Variants in SKOR1 observed in about 807,000 individuals in gnomAD.
SKOR1 encodes LBX1 corepressor 1.
SKOR1 carries 38 observed loss-of-function variants against 72.4 expected under a neutral mutation model. That is an observed-to-expected ratio of 0.52 (90% CI 0.40 to 0.69). The LOEUF (loss-of-function observed/expected upper bound fraction) is 0.69. SKOR1 is among the 30% of genes least tolerant of loss of function. SKOR1 has a pLI of 0.00. For synonymous variants in SKOR1, 642 were observed against 599.4 expected (o/e 1.07, Z -1.04); for missense variants, 1,320 against 1,343.2 (o/e 0.98, Z 0.27).
At position 67,833,638 on chromosome 15, in the gene SKOR1, C is replaced by T. The variant is rs557797080; in HGVS notation, c.2804-104C>T. 1 of 1,231,560 alleles carries T rather than the reference C, an allele frequency of 8.1e-7. No homozygotes were observed. Among genetic ancestry groups the T allele is most frequent in the Admixed American group, 1.7e-5 (1 of 59,414 alleles). The allele number at this position is 1,231,560 out of a possible 1,614,324, so 76.3% of individuals were successfully genotyped here. A position where few individuals can be genotyped will look rare whatever the true frequency, so the allele number is the denominator to read the frequency against. The stretch of plus-strand genomic sequence containing the variant: ...TCCTGATCCGCTCGGTTGAGATTCC[C>T]TGACCCCAAAGGGTTGGTAAGGCCG... On this transcript the variant is annotated intron_variant, in intron 8 of 8. Transcript: ENST00000380035. The surrounding 1 kb of genome is among the most constrained non-coding windows in gnomAD (Gnocchi z 6.0).
At chr15:67,829,038 A>G in intron 2 of SKOR1, 141 bp from the exon 3 acceptor site, 1 of 692,618 alleles carries the variant, frequency 1.4e-6, no homozygotes, top group Non-Finnish European at 2.4e-6. Flanking sequence ...CGCGTGCGTC[A>G]CTGTGCCCGC....
chr15:67,832,898 T>C lies in SKOR1; in HGVS notation c.2737+217T>C. The C allele has an allele frequency of 1.7e-6, 1 of 599,546 alleles. No individual in the cohort carries two copies. Among genetic ancestry groups the C allele is most frequent in the Non-Finnish European group, 2.9e-6 (1 of 339,148 alleles). 37.1% of individuals were successfully genotyped at this position (599,546 alleles called of 1,614,324 possible). ...CATTACATGGAGTGATTGAACTTCTTATCGCGGCAATTTCCATGGTTTCTA... is the reference window on the plus strand; with the variant it reads ...CATTACATGGAGTGATTGAACTTCTCATCGCGGCAATTTCCATGGTTTCTA... On this transcript the variant is annotated intron_variant, in intron 7 of 8. Coordinates refer to ENST00000380035, the MANE Select transcript of SKOR1 (RefSeq NM_001365915.1). This position sits in a 1 kb window ranked among gnomAD's most constrained non-coding sequence, Gnocchi z 4.5.
Position 67,826,650 on chromosome 15 carries a change from C to T in SKOR1, c.822C>T (p.Gly274=), listed in dbSNP as rs1260109435. Residue 274 remains glycine (G), a synonymous_variant, in exon 2 of 9, where the codon GGC becomes GGT. Coordinates refer to ENST00000380035, the MANE Select transcript of SKOR1 (RefSeq NM_001365915.1). ...ACGTCAAGGCCATGTTTAATGGCGG[C>T]ACGCGCAAGCGGACCTTCTCCCTAC... The part of the protein sequence containing the change: ...WEDVKAMFNG[G]TRKRTFSLQG... 2.5e-6 allele frequency: 4 copies of T among 1,607,814 alleles called. No homozygotes were observed. The highest frequency in any genetic ancestry group is 3.4e-6 in the Non-Finnish European group (4 of 1,177,106).
At chr15:67,829,551 C>T (rs558514544) in intron 3 of SKOR1, among the ~76,000 whole-genome samples, 3 of 152,360 alleles carry the variant, frequency 2.0e-5, no homozygotes, top group East Asian at 3.9e-4. Flanking sequence ...ACGCCCGACA[C>T]GGCCTTCAAA....
Position 67,829,239 on chromosome 15 carries a change from G to A in SKOR1, c.2377G>A (p.Ala793Thr). 6.4e-7 allele frequency: 1 copy of A among 1,569,518 alleles called. No individual in the cohort carries two copies. The highest frequency in any genetic ancestry group is 8.6e-7 in the Non-Finnish European group (1 of 1,165,344). ...KSAAVALGPA[A>T]SYVCTPEAHE... The stretch of plus-strand genomic sequence containing the variant: ...CGCGGCGGTGGCGCTGGGGCCCGCG[G>A]CCTCCTACGTCTGCACCCCCGAGGC... The change falls in exon 3 of 9, where the codon GCC (alanine) becomes ACC (threonine). Residue 793 changes from alanine (A) to threonine (T), a missense_variant. Around this residue, in one of 3 missense-constraint regions of SKOR1, gnomAD observed 1,099 missense variants for 1,025.5 expected, o/e 1.07. Coordinates refer to ENST00000380035, the MANE Select transcript of SKOR1 (RefSeq NM_001365915.1).
In SKOR1 at chr15:67,828,141, C is replaced by T. The variant is rs1417068721; in HGVS notation, c.2313C>T (p.Ala771=). The stretch of plus-strand genomic sequence containing the variant: ...GGCCCCTAGGAGGCCCCGCGCCGGC[C>T]AAGGTGAGCCCCGCGCCCGCCCCGC... The part of the protein sequence containing the change: ...PCGPLGGPAP[A]KVFAPERDEH... Residue 771 remains alanine (A), a synonymous_variant, in exon 2 of 9, where the codon GCC becomes GCT. Coordinates refer to ENST00000380035, the MANE Select transcript of SKOR1 (RefSeq NM_001365915.1). The T allele has an allele frequency of 4.8e-6, 7 of 1,468,792 alleles. No homozygotes were observed. In the African/African-American group the frequency reaches 7.4e-5, roughly 16 times the overall value. 91.0% of individuals were successfully genotyped at this position (1,468,792 alleles called of 1,614,324 possible).
chr15:67,829,618 G>C (rs2090992524), intron 3 of SKOR1, among the ~76,000 whole-genome samples: 1 of 152,246 alleles, frequency 6.6e-6, no homozygotes, highest in African/African-American at 2.4e-5. Flanking sequence ...GGCTAGGCCG[G>C]ATCGGGGCGG....
At position 67,833,151 on chromosome 15, in the gene SKOR1, T is replaced by C; in HGVS notation, c.2738-41T>C. 1 of 1,609,330 alleles carries C rather than the reference T, an allele frequency of 6.2e-7. No homozygotes were observed. ...GCTGTGACCCCGGCCTTTCGGAGGG[T>C]GGTCTGCGTTTCCTCACTGGCCCCT... On this transcript the variant is annotated intron_variant, in intron 7 of 8. Transcript: ENST00000380035. The surrounding 1 kb of genome is among the most constrained non-coding windows in gnomAD (Gnocchi z 6.0).
At position 67,827,084 on chromosome 15, in the gene SKOR1, C is replaced by T. The variant is rs2090965607; in HGVS notation, c.1256C>T (p.Pro419Leu). The change falls in exon 2 of 9, where the codon CCA becomes CTA. Residue 419 changes from proline (P) to leucine (L), a missense_variant. Pro to Leu is a moderately conservative substitution (Grantham distance 98). Transcript: ENST00000380035. ...KDDPVLGAGE[P>L]KGGPGTGSGG... ...GACCCGGTTTTAGGCGCGGGCGAGC[C>T]AAAGGGCGGTCCTGGCACTGGGAGC... is the stretch of plus-strand genomic sequence containing the variant. 4.6e-6 allele frequency: 7 copies of T among 1,517,222 alleles called. No homozygotes were observed. The highest frequency in any genetic ancestry group is 6.1e-6 in the Non-Finnish European group (7 of 1,139,772). 94.0% of individuals were successfully genotyped at this position (1,517,222 alleles called of 1,614,324 possible). A position where few individuals can be genotyped will look rare whatever the true frequency, so the allele number is the denominator to read the frequency against.
rs2091018768 is a variant in SKOR1 at position 67,832,756 on chromosome 15, C to T, written c.2737+75C>T. The T allele has an allele frequency of 8.4e-7, 1 of 1,191,878 alleles. No individual in the cohort carries two copies. The highest frequency in any genetic ancestry group is 1.2e-6 in the Non-Finnish European group (1 of 801,042). 73.8% of individuals were successfully genotyped at this position (1,191,878 alleles called of 1,614,324 possible). A position where few individuals can be genotyped will look rare whatever the true frequency, so the allele number is the denominator to read the frequency against. On this transcript the variant is annotated intron_variant, in intron 7 of 8. Transcript: ENST00000380035. This position sits in a 1 kb window ranked among gnomAD's most constrained non-coding sequence, Gnocchi z 4.5. ...TCTGGCAGGAGCCGCAATGTTGGCT[C>T]AGTCATTTGGATTTAAATTGAAGGT...
chr15:67,834,053 C>A lies in SKOR1; in HGVS notation c.*217C>A, dbSNP rs771995621. 10 of 599,092 alleles carry A rather than the reference C, an allele frequency of 1.7e-5. No individual in the cohort carries two copies. Among genetic ancestry groups the A allele is most frequent in the Non-Finnish European group, 2.7e-5 (9 of 332,700 alleles). The allele number at this position is 599,092 out of a possible 1,614,324, so 37.1% of individuals were successfully genotyped here. A position where few individuals can be genotyped will look rare whatever the true frequency, so the allele number is the denominator to read the frequency against. On this transcript the variant is annotated 3_prime_UTR_variant, in exon 9 of 9. Coordinates refer to ENST00000380035, the MANE Select transcript of SKOR1 (RefSeq NM_001365915.1). This position sits in a 1 kb window ranked among gnomAD's most constrained non-coding sequence, Gnocchi z 5.8. ...CGGCTTGGTTTCCAAGTGTAAATAC[C>A]GCCTCGCGCCTCAAATCCCCCTACC...
At position 67,832,534 on chromosome 15, in the gene SKOR1, G is replaced by A; in HGVS notation, c.2663-73G>A. 1 of 1,441,260 alleles carries A rather than the reference G, an allele frequency of 6.9e-7. No homozygotes were observed. The highest frequency in any genetic ancestry group is 9.7e-7 in the Non-Finnish European group (1 of 1,031,304). 89.3% of individuals were successfully genotyped at this position (1,441,260 alleles called of 1,614,324 possible). A position where few individuals can be genotyped will look rare whatever the true frequency, so the allele number is the denominator to read the frequency against. On this transcript the variant is annotated intron_variant, in intron 6 of 8. Coordinates refer to ENST00000380035, the MANE Select transcript of SKOR1 (RefSeq NM_001365915.1). The surrounding 1 kb of genome is among the most constrained non-coding windows in gnomAD (Gnocchi z 4.5). ...GAGTTGGGGGTAGGGGTGAAAGGGGGGGCCAGGAGTGAGAAAGTGGAGCCG... is the reference window on the plus strand; with the variant it reads ...GAGTTGGGGGTAGGGGTGAAAGGGGAGGCCAGGAGTGAGAAAGTGGAGCCG...
rs377094576 is a variant in SKOR1 at position 67,830,873 on chromosome 15, C to T, written c.2571C>T (p.Ile857=). 6.2e-6 allele frequency: 10 copies of T among 1,613,948 alleles called. No homozygotes were observed. The Admixed American group carries it at 8.3e-5, about 13-fold the overall frequency. ...GAACTCATTTGGTGGAGAAAGATAT[C>T]GAGAACCTGGCCAGAGGTGAGGATA... ...VTGTHLVEKD[I]ENLAREELQK... The change falls in exon 5 of 9, where the codon ATC becomes ATT. Residue 857 remains isoleucine, a synonymous_variant. Coordinates refer to ENST00000380035, the MANE Select transcript of SKOR1 (RefSeq NM_001365915.1).
At position 67,825,858 on chromosome 15, in the gene SKOR1, C is replaced by G; in HGVS notation, c.108-78C>G. 1 of 1,513,196 alleles carries G rather than the reference C, an allele frequency of 6.6e-7. No homozygotes were observed. 93.7% of individuals were successfully genotyped at this position (1,513,196 alleles called of 1,614,324 possible). A position where few individuals can be genotyped will look rare whatever the true frequency, so the allele number is the denominator to read the frequency against. ...TATCCCCCGCGCGCCCAACTCGGAGCGCCCTGCTGGGCGGGCCCGAGCCTC... is the reference window on the plus strand; with the variant it reads ...TATCCCCCGCGCGCCCAACTCGGAGGGCCCTGCTGGGCGGGCCCGAGCCTC... On this transcript the variant is annotated intron_variant, in intron 1 of 8. Transcript: ENST00000380035. This position sits in a 1 kb window ranked among gnomAD's most constrained non-coding sequence, Gnocchi z 5.6.
At position 67,827,064 on chromosome 15, in the gene SKOR1, G is replaced by T; in HGVS notation, c.1236G>T (p.Pro412=). 2.0e-6 allele frequency: 3 copies of T among 1,536,992 alleles called. No homozygotes were observed. Among genetic ancestry groups the T allele is most frequent in the Non-Finnish European group, 2.6e-6 (3 of 1,149,240 alleles). ...AFGLCPKKDD[P]VLGAGEPKGG... is the part of the protein sequence containing the mutation. The stretch of plus-strand genomic sequence containing the variant: ...GCCTATGCCCCAAAAAGGACGACCC[G>T]GTTTTAGGCGCGGGCGAGCCAAAGG... Residue 412 remains proline, a synonymous_variant, in exon 2 of 9, where the codon CCG becomes CCT. Transcript: ENST00000380035.
rs975560751 is a variant in SKOR1 at position 67,834,021 on chromosome 15, A to T, written c.*185A>T. 8.2e-5 allele frequency: 54 copies of T among 660,424 alleles called. No individual in the cohort carries two copies. The East Asian group carries it at 1.5e-3, about 18-fold the overall frequency. The allele number at this position is 660,424 out of a possible 1,614,324, so 40.9% of individuals were successfully genotyped here. A position where few individuals can be genotyped will look rare whatever the true frequency, so the allele number is the denominator to read the frequency against. On this transcript the variant is annotated 3_prime_UTR_variant, in exon 9 of 9. Coordinates refer to ENST00000380035, the MANE Select transcript of SKOR1 (RefSeq NM_001365915.1). The surrounding 1 kb of genome is among the most constrained non-coding windows in gnomAD (Gnocchi z 5.8). ...CGCCCCCTCCCGGGCGTCCCTGTCC[A>T]GGGCCCCGGCTTGGTTTCCAAGTGT...
chr15:67,825,876 C>A lies in SKOR1; in HGVS notation c.108-60C>A. Reference sequence around the variant, plus strand: ...CTCGGAGCGCCCTGCTGGGCGGGCCCGAGCCTCGGCGGCGGCGCTGAAAAT... The same window carrying A: ...CTCGGAGCGCCCTGCTGGGCGGGCCAGAGCCTCGGCGGCGGCGCTGAAAAT... On this transcript the variant is annotated intron_variant, in intron 1 of 8. Coordinates refer to ENST00000380035, the MANE Select transcript of SKOR1 (RefSeq NM_001365915.1). This position sits in a 1 kb window ranked among gnomAD's most constrained non-coding sequence, Gnocchi z 5.6. The A allele has an allele frequency of 1.3e-6, 2 of 1,509,256 alleles. No homozygotes were observed. Among genetic ancestry groups the A allele is most frequent in the East Asian group, 2.3e-5 (1 of 44,050 alleles). The allele number at this position is 1,509,256 out of a possible 1,614,324, so 93.5% of individuals were successfully genotyped here.
rs1331285751 is a variant in SKOR1 at position 67,833,733 on chromosome 15, T to C, written c.2804-9T>C. 7 of 1,613,044 alleles carry C rather than the reference T, an allele frequency of 4.3e-6. No individual in the cohort carries two copies. Among genetic ancestry groups the C allele is most frequent in the East Asian group, 2.2e-5 (1 of 44,826 alleles). ...GCGCCCAGAGTGACCCTCGCGACTG[T>C]CTCCCCAGAAGCCCACGACGCCCTG... On this transcript the variant is annotated splice_polypyrimidine_tract_variant and intron_variant, in intron 8 of 8. Transcript: ENST00000380035. This position sits in a 1 kb window ranked among gnomAD's most constrained non-coding sequence, Gnocchi z 6.0.
chr15:67,832,814 TTGTA>T lies in SKOR1; in HGVS notation c.2737+135_2737+138del, dbSNP rs2091019142. On this transcript the variant is annotated intron_variant, in intron 7 of 8. Coordinates refer to ENST00000380035, the MANE Select transcript of SKOR1 (RefSeq NM_001365915.1). This position sits in a 1 kb window ranked among gnomAD's most constrained non-coding sequence, Gnocchi z 4.5. Reference sequence around the variant, plus strand: ...CAATTATTTTTTTATTTAATATGCTTTGTATACTCTGATTAGCCTCAGAATGGCA... The same window carrying T: ...CAATTATTTTTTTATTTAATATGCTTTACTCTGATTAGCCTCAGAATGGCA... 4 of 741,716 alleles carry T rather than the reference TTGTA, an allele frequency of 5.4e-6. No homozygotes were observed. Among genetic ancestry groups the T allele is most frequent in the African/African-American group, 3.5e-5 (2 of 56,816 alleles). The allele number at this position is 741,716 out of a possible 1,614,324, so 45.9% of individuals were successfully genotyped here. A position where few individuals can be genotyped will look rare whatever the true frequency, so the allele number is the denominator to read the frequency against.
Sources: gnomAD v4.1 joint callset for allele counts (sites outside exome capture counted in the v4.1 genomes callset) on GRCh38, gnomAD v4.1.1 for gene constraint, gnomAD v4.1.1 regional missense constraint, Gnocchi (gnomAD v3.1) non-coding constraint, MANE v1.5 for transcripts, NCBI Gene and HGNC (gene_info 2026-07-23, HGNC 2026-07-21) for gene names.